The following CNTN5 variants were observed in gnomAD, a reference collection of about 807,000 sequenced individuals.
The protein encoded by CNTN5 is contactin 5, also known as contactin-5.
A neutral mutation model predicts 129.1 loss-of-function variants in CNTN5; 77 were observed. The observed-to-expected ratio is 0.60, with a 90% CI of 0.50 to 0.72. CNTN5 has a LOEUF of 0.72. Among genes scored for constraint, CNTN5 ranks in the 30% least tolerant of loss-of-function variants. The pLI, the probability that CNTN5 is intolerant of heterozygous loss-of-function variation, is 0.00. For missense variants in CNTN5, 1,478 were observed against 1,328.8 expected (o/e 1.11, Z -1.75); for synonymous variants, 509 against 465.6 (o/e 1.09, Z -1.20).
chr11:99,975,709 C>G (rs1016318221), intron 8 of CNTN5, among the ~76,000 whole-genome samples: 18 of 152,042 alleles, frequency 1.2e-4, no homozygotes, highest in Non-Finnish European at 2.4e-4. Context: ...TACCACCCCC[C>G]TGATCCAATC....
intron 16 of CNTN5, among the ~76,000 whole-genome samples, chr11:100,253,890 C>G (rs1591439855): frequency 6.6e-6 from 1 of 152,138 alleles, no homozygotes; most frequent in East Asian, 1.9e-4. Context: ...AATCACAAAT[C>G]TGTCAATTTT....
intron 4 of CNTN5, among the ~76,000 whole-genome samples, chr11:99,824,021 A>T (rs1442872912): frequency 2.0e-5 from 3 of 152,052 alleles, no homozygotes; most frequent in African/African-American, 7.2e-5. Context: ...TTTCCTGTAA[A>T]GCATACCACA....
At chr11:99,706,499 AC>A (rs1484343749) in intron 3 of CNTN5, among the ~76,000 whole-genome samples, 1 of 151,444 alleles carries the variant, frequency 6.6e-6, no homozygotes, top group Non-Finnish European at 1.5e-5. Flanking sequence ...ACCATAGGAA[AC>A]TGCCCATTTA....
chr11:99,419,400 A>T (rs545424130), intron 2 of CNTN5, among the ~76,000 whole-genome samples: 1 of 152,360 alleles, frequency 6.6e-6, no homozygotes, highest in Admixed American at 6.5e-5. Flanking sequence ...ATATTAAAAA[A>T]AATTTGTCTT....
chr11:99,687,158 G>A (rs1591479684), intron 3 of CNTN5, among the ~76,000 whole-genome samples: 1 of 132,932 alleles, frequency 7.5e-6, no homozygotes, highest in Admixed American at 7.8e-5. Context: ...TTCTTCAATT[G>A]TTGTTTTGTA....
chr11:99,899,494 C>G (rs1949297532), intron 6 of CNTN5, among the ~76,000 whole-genome samples: 1 of 151,838 alleles, frequency 6.6e-6, no homozygotes, highest in Admixed American at 6.6e-5. Flanking sequence ...ATATAGTTTT[C>G]ATTCTTATAT....
chr11:99,161,379 T>C (rs1374872660), intron 1 of CNTN5, among the ~76,000 whole-genome samples: 1 of 152,122 alleles, frequency 6.6e-6, no homozygotes, highest in Admixed American at 6.5e-5. Flanking sequence ...TTTAAGGAAA[T>C]AAACTTCTCC....
chr11:99,466,822 T>C (rs1442913962), intron 2 of CNTN5, among the ~76,000 whole-genome samples: 1 of 152,066 alleles, frequency 6.6e-6, no homozygotes, highest in Non-Finnish European at 1.5e-5. Context: ...GACATTTTTA[T>C]TTTGATTTTT....
rs537917475 is a variant in CNTN5 at position 99,573,182 on chromosome 11, T to A, written c.55+16913T>A. Among the ~76,000 whole-genome samples the A allele has an allele frequency of 3.4e-4, 52 of 152,016 alleles. 1 individual carries two copies. The highest frequency in any genetic ancestry group is 2.5e-3 in the East Asian group (13 of 5,166). ...TCCACCCAAGGAGTGTTTTTTTTTT[T>A]AAATAATAAAATGGACCTGATTACA... is the stretch of plus-strand genomic sequence containing the variant. On this transcript the variant is annotated intron_variant, in intron 3 of 24. Coordinates refer to ENST00000524871, the MANE Select transcript of CNTN5 (RefSeq NM_014361.4).
intron 21 of CNTN5, among the ~76,000 whole-genome samples, chr11:100,339,090 C>CA (rs1339818961): frequency 6.6e-6 from 1 of 151,992 alleles, no homozygotes; most frequent in Non-Finnish European, 1.5e-5. Flanking sequence ...CCTGAAACCC[C>CA]AGAGGATGGG....
At chr11:99,610,627 C>T (rs34542655) in intron 3 of CNTN5, among the ~76,000 whole-genome samples, 20,415 of 152,046 alleles carry the variant, frequency 0.13, 1,551 homozygotes, top group Non-Finnish European at 0.18. Context: ...TCAGTGCAGA[C>T]GGGAAAATTA....
At chr11:99,214,856 C>G (rs1280892140) in intron 1 of CNTN5, among the ~76,000 whole-genome samples, 2 of 152,072 alleles carry the variant, frequency 1.3e-5, no homozygotes, top group African/African-American at 2.4e-5. Context: ...TGCTTAAATT[C>G]TCTCCACAAT....
chr11:100,204,945 A>C (rs1349307751), intron 15 of CNTN5, among the ~76,000 whole-genome samples: 1 of 151,998 alleles, frequency 6.6e-6, no homozygotes, highest in African/African-American at 2.4e-5. Flanking sequence ...TGAATACTGG[A>C]ATTTTTACCT....
intron 7 of CNTN5, among the ~76,000 whole-genome samples, chr11:99,916,755 T>C (rs1468326637): frequency 1.3e-5 from 2 of 152,132 alleles, no homozygotes; most frequent in African/African-American, 4.8e-5. Flanking sequence ...TTACACCTAA[T>C]TATATCTATT....
chr11:99,757,227 C>T (rs1227071500), intron 3 of CNTN5, among the ~76,000 whole-genome samples: 2 of 151,982 alleles, frequency 1.3e-5, no homozygotes, highest in Non-Finnish European at 2.9e-5. Flanking sequence ...CCTTCATTTT[C>T]ACATGGGGCT....
chr11:99,582,217 A>G (rs368756282), intron 3 of CNTN5, among the ~76,000 whole-genome samples: 4 of 152,072 alleles, frequency 2.6e-5, no homozygotes, highest in African/African-American at 9.7e-5. Flanking sequence ...ATGGGCTTCC[A>G]TTTGTGGGTA....
At chr11:99,766,691 C>T (rs994022419) in intron 3 of CNTN5, among the ~76,000 whole-genome samples, 2 of 152,010 alleles carry the variant, frequency 1.3e-5, no homozygotes, top group Non-Finnish European at 2.9e-5. Context: ...CATCATTTCC[C>T]TGTCAAATTT....
At chr11:99,732,604 G>C (rs1943571957) in intron 3 of CNTN5, among the ~76,000 whole-genome samples, 1 of 152,202 alleles carries the variant, frequency 6.6e-6, no homozygotes, top group African/African-American at 2.4e-5. Context: ...AAAGAAGGAT[G>C]CTGGAGAAGG....
chr11:99,832,310 G>A (rs1477551556), intron 4 of CNTN5, among the ~76,000 whole-genome samples: 1 of 152,136 alleles, frequency 6.6e-6, no homozygotes, highest in Admixed American at 6.6e-5. Context: ...GGCAAAAACT[G>A]TAATTACATT....
Sources: gnomAD v4.1 joint callset for allele counts (sites outside exome capture counted in the v4.1 genomes callset) on GRCh38, gnomAD v4.1.1 for gene constraint, MANE v1.5 for transcripts, NCBI Gene and HGNC (gene_info 2026-07-23, HGNC 2026-07-21) for gene names.